The following LRRK1 variants were observed in gnomAD, a reference collection of about 807,000 sequenced individuals.
The protein encoded by LRRK1 is leucine rich repeat kinase 1.
A neutral mutation model predicts 209.1 loss-of-function variants in LRRK1; 113 were observed. The observed-to-expected ratio is 0.54, with a 90% confidence interval of 0.46 to 0.63. The LOEUF (loss-of-function observed/expected upper bound fraction) is 0.63. LRRK1 is among the 30% of genes least tolerant of loss of function. The probability of loss-of-function intolerance (pLI) is 0.00; values close to 1 mark genes in which losing one functional copy is unlikely to be tolerated. For synonymous variants in LRRK1, 1,144 were observed against 1,099.7 expected, an observed-to-expected ratio of 1.04 and a Z score of -0.80; for missense variants, 2,284 against 2,632.2, an observed-to-expected ratio of 0.87 and a Z score of 2.89.
chr15:100,923,529 A>G (rs2042056024), intron 1 of LRRK1, among the ~76,000 whole-genome samples: 1 of 152,226 alleles, frequency 6.6e-6, no homozygotes, highest in Non-Finnish European at 1.5e-5. Flanking sequence ...ATAGGCGCAC[A>G]TGCATTACTT....
intron 26 of LRRK1, among the ~76,000 whole-genome samples, chr15:101,054,344 T>G (rs1228055564): frequency 6.6e-6 from 1 of 152,196 alleles, no homozygotes; most frequent in Non-Finnish European, 1.5e-5. Context: ...ACTCTAGAGA[T>G]TTCGAACCCT....
intron 2 of LRRK1, among the ~76,000 whole-genome samples, chr15:100,944,420 G>A (rs971867490): frequency 3.3e-5 from 5 of 152,168 alleles, no homozygotes; most frequent in African/African-American, 9.7e-5. Flanking sequence ...ATCTTAGGTC[G>A]AAGGGGTGGG....
At chr15:101,014,535 G>C (rs367781171) in intron 11 of LRRK1, 107 bp downstream of exon 11, 6 of 735,162 alleles carry the variant, frequency 8.2e-6, no homozygotes, top group Admixed American at 2.6e-5. Context: ...CTGCTGAGCC[G>C]CCAGCTGGGG....
chr15:100,948,748 A>C (rs1339511819), intron 2 of LRRK1, among the ~76,000 whole-genome samples: 1 of 152,224 alleles, frequency 6.6e-6, no homozygotes, highest in East Asian at 1.9e-4. Flanking sequence ...AAATATGTAG[A>C]AATTAAACAA....
At chr15:101,021,518 GTTATA>G (rs1016248515) in intron 13 of LRRK1, among the ~76,000 whole-genome samples, 2 of 152,126 alleles carry the variant, frequency 1.3e-5, no homozygotes, top group African/African-American at 4.8e-5. Flanking sequence ...AGTGTAAAAT[GTTATA>G]TTAATATTAA....
chr15:100,950,876 G>T (rs1293887029), intron 2 of LRRK1, among the ~76,000 whole-genome samples: 2 of 152,218 alleles, frequency 1.3e-5, no homozygotes, highest in African/African-American at 2.4e-5. Flanking sequence ...GGCCAAGGCG[G>T]GCAGATCACG....
intron 2 of LRRK1, among the ~76,000 whole-genome samples, chr15:100,950,500 T>G (rs895604674): frequency 6.6e-6 from 1 of 152,114 alleles, no homozygotes; most frequent in Non-Finnish European, 1.5e-5. Context: ...ATTCTAATAT[T>G]CAAATAAAAT....
At chr15:101,046,241 G>T in intron 21 of LRRK1, 89 bp downstream of exon 21, 1 of 1,374,782 alleles carries the variant, frequency 7.3e-7, no homozygotes, top group Non-Finnish European at 1.0e-6. Flanking sequence ...TTTGCTGGGG[G>T]GCCCTGCCTG....
Position 101,075,995 on chromosome 15 carries a change from C to A in LRRK1, c.*7147C>A, listed in dbSNP as rs188071883. ...TCAGCATAATTCTCATAAAGACACA[C>A]GTGCTCTCCCTGCCGATCATGTCCG... On this transcript the variant is annotated 3_prime_UTR_variant, in exon 34 of 34. Coordinates refer to ENST00000388948, the MANE Select transcript of LRRK1 (RefSeq NM_024652.6). 1 of 152,192 alleles carries A rather than the reference C, an allele frequency of 6.6e-6. No homozygotes were observed. Among genetic ancestry groups the A allele is most frequent in the Non-Finnish European group, 1.5e-5 (1 of 68,042 alleles). 9.4% of individuals were successfully genotyped at this position (152,192 alleles called of 1,614,324 possible). A position where few individuals can be genotyped will look rare whatever the true frequency, so the allele number is the denominator to read the frequency against.
chr15:101,030,189 G>T (rs1174282005), intron 20 of LRRK1, among the ~76,000 whole-genome samples: 1 of 152,044 alleles, frequency 6.6e-6, no homozygotes, highest in East Asian at 1.9e-4. Flanking sequence ...CTGGTCGCCA[G>T]GTAGCCCTCT....
intron 4 of LRRK1, among the ~76,000 whole-genome samples, chr15:100,985,547 CA>C (rs2031823163): frequency 6.6e-6 from 1 of 152,166 alleles, no homozygotes; most frequent in South Asian, 2.1e-4. Context: ...GAGCACACAT[CA>C]GGGGGCAGGG....
intron 2 of LRRK1, among the ~76,000 whole-genome samples, chr15:100,956,455 C>CTTTTTTTTTTCTTTTTT (rs2042762776): frequency 9.9e-5 from 6 of 60,520 alleles, no homozygotes; most frequent in African/African-American, 4.3e-4. Context: ...TTTTTTTTTT[C>CTTTTTTTTTTCTTTTTT]TTTTTTTTTT....
chr15:100,925,479 C>T (rs1452930773), intron 2 of LRRK1, among the ~76,000 whole-genome samples: 1 of 152,282 alleles, frequency 6.6e-6, no homozygotes, highest in East Asian at 1.9e-4. Flanking sequence ...TTGTTTACTC[C>T]TACTGAGAGC....
At chr15:100,997,073 A>T (rs137979150) in intron 6 of LRRK1, among the ~76,000 whole-genome samples, 1 of 133,296 alleles carries the variant, frequency 7.5e-6, no homozygotes, top group African/African-American at 2.9e-5. Flanking sequence ...TATGATTATT[A>T]ATATAATCAT....
At position 101,065,558 on chromosome 15, in the gene LRRK1, C is replaced by T; in HGVS notation, c.5121C>T (p.Tyr1707=). The T allele has an allele frequency of 1.2e-6, 2 of 1,614,248 alleles. No individual in the cohort carries two copies. The highest frequency in any genetic ancestry group is 1.7e-5 in the Admixed American group (1 of 60,030). The change falls in exon 32 of 34, where the codon TAC becomes TAT. Residue 1707 remains tyrosine (Y), a synonymous_variant. Transcript: ENST00000388948. The stretch of plus-strand genomic sequence containing the variant: ...TCAACAGCGGCTCTGAGGTCTGGTA[C>T]AGCAATGGGCCGGGCCTCCTTGTCA... ...EVVNSGSEVW[Y]SNGPGLLVID...
chr15:100,962,667 T>C lies in LRRK1; in HGVS notation c.98-11137T>C, dbSNP rs990354294. Among the ~76,000 whole-genome samples, 3 of 150,446 alleles carry C rather than the reference T, an allele frequency of 2.0e-5. No homozygotes were observed. The Admixed American group carries it at 2.0e-4, about 10-fold the overall frequency. On this transcript the variant is annotated intron_variant, in intron 2 of 33. Coordinates refer to ENST00000388948, the MANE Select transcript of LRRK1 (RefSeq NM_024652.6). ...GAGGGAGGAGAAAAGAGTGTCAGGTTCAGGTTTTACAAACAAAAATAATAG... is the reference window on the plus strand; with the variant it reads ...GAGGGAGGAGAAAAGAGTGTCAGGTCCAGGTTTTACAAACAAAAATAATAG...
At chr15:100,961,280 A>G (rs2029923900) in intron 2 of LRRK1, among the ~76,000 whole-genome samples, 1 of 152,198 alleles carries the variant, frequency 6.6e-6, no homozygotes, top group Non-Finnish European at 1.5e-5. Flanking sequence ...AATCTTGATT[A>G]TGTCCCAAAG....
chr15:100,922,909 G>A (rs1040701230), intron 1 of LRRK1, among the ~76,000 whole-genome samples: 5 of 152,134 alleles, frequency 3.3e-5, no homozygotes, highest in Non-Finnish European at 7.4e-5. Context: ...CTGCCTTGAC[G>A]AGTCCAGTCC....
At chr15:100,941,294 G>C (rs879352456) in intron 2 of LRRK1, among the ~76,000 whole-genome samples, 15,194 of 133,896 alleles carry the variant, frequency 0.11, 1,259 homozygotes, top group South Asian at 0.2. Flanking sequence ...GTGTGTCTGT[G>C]TGTGTCTATG....
Sources: gnomAD v4.1 joint callset for allele counts (sites outside exome capture counted in the v4.1 genomes callset) on GRCh38, gnomAD v4.1.1 for gene constraint, MANE v1.5 for transcripts, NCBI Gene and HGNC (gene_info 2026-07-23, HGNC 2026-07-21) for gene names.